ABCA6: variants seen among roughly 807,000 people sequenced by gnomAD.
The protein encoded by ABCA6 is ATP-binding cassette sub-family A member 6.
Under a neutral mutation model 191.2 loss-of-function variants are expected in ABCA6, and 164 were observed. The ratio of observed to expected loss-of-function variants is 0.86; its 90% CI spans 0.76 to 0.98. The LOEUF (loss-of-function observed/expected upper bound fraction) is 0.98. Among genes scored for constraint, ABCA6 ranks in the 50% least tolerant of loss-of-function variants. The pLI is 0.00. For synonymous variants in ABCA6, 636 were observed against 647.7 expected (o/e 0.98, Z 0.27); for missense variants, 1,958 against 1,894.1 (o/e 1.03, Z -0.63).
At chr17:69,111,356 T>G (rs2073418527) in intron 16 of ABCA6, 1 of 153,984 alleles carries the variant, frequency 6.5e-6, no homozygotes, top group African/African-American at 2.4e-5. Flanking sequence ...AAACAATTAT[T>G]TTAGCCTGGA....
At chr17:69,103,016 A>G (rs1013860072) in intron 20 of ABCA6, 48 bp from the exon 21 acceptor site, 2 of 1,180,714 alleles carry the variant, frequency 1.7e-6, no homozygotes, top group Non-Finnish European at 1.2e-6. Flanking sequence ...AAGAAAATAC[A>G]TATCAAACTT....
intron 36 of ABCA6, among the ~76,000 whole-genome samples, chr17:69,082,660 TGGCCAA>T (rs908839827): frequency 2.6e-5 from 4 of 152,142 alleles, no homozygotes; most frequent in Non-Finnish European, 5.9e-5. Flanking sequence ...CAGCCTGGGA[TGGCCAA>T]GGAGAGTGTG....
Position 69,085,192 on chromosome 17 carries a change from TAA to T in ABCA6, c.4030-12_4030-11del, listed in dbSNP as rs750663486. The T allele has an allele frequency of 6.9e-6, 11 of 1,599,398 alleles. No homozygotes were observed. Among genetic ancestry groups the T allele is most frequent in the South Asian group, 2.3e-5 (2 of 88,790 alleles). The stretch of plus-strand genomic sequence containing the variant: ...AGCCTTTCAGTTCCACCTAAAAAAA[TAA>T]AAGAGCTTTAGAAAGGCATGCAGCC... On this transcript the variant is annotated splice_polypyrimidine_tract_variant and intron_variant, in intron 31 of 38. Coordinates refer to ENST00000284425, the MANE Select transcript of ABCA6 (RefSeq NM_080284.3).
At chr17:69,093,605 G>T (rs577378558) in intron 25 of ABCA6, among the ~76,000 whole-genome samples, 1 of 152,236 alleles carries the variant, frequency 6.6e-6, no homozygotes, top group African/African-American at 2.4e-5. Flanking sequence ...CGCTTTCTTT[G>T]TTAGGGGCTC....
chr17:69,099,403 G>C (rs2073124627), intron 22 of ABCA6: 1 of 152,052 alleles, frequency 6.6e-6, no homozygotes, highest in Admixed American at 6.6e-5. Flanking sequence ...AGTAGCTATG[G>C]GCTTCAGTCC....
At chr17:69,107,655 T>C (rs756846374) in intron 18 of ABCA6, 41 bp downstream of exon 18, 50 of 1,282,890 alleles carry the variant, frequency 3.9e-5, no homozygotes, top group Admixed American at 7.9e-5. Flanking sequence ...CACATGATCA[T>C]TTGGGAATTG....
intron 25 of ABCA6, chr17:69,094,983 C>T (rs1329582738): frequency 6.5e-6 from 1 of 153,580 alleles, no homozygotes; most frequent in Non-Finnish European, 1.5e-5. Context: ...GGACAATAAC[C>T]CTGACATTTC....
rs143605532 is a variant in ABCA6, at chr17:69,133,295, G to A, written c.791+346C>T. ...AGACCAGGCGAGAAAACAAGCTGCAGTCAGGGCACCTGGGTTAGAGTCTCA... is the reference window on the plus strand; with the variant it reads ...AGACCAGGCGAGAAAACAAGCTGCAATCAGGGCACCTGGGTTAGAGTCTCA... On this transcript the variant is annotated intron_variant, in intron 6 of 38. Transcript: ENST00000284425. Among the ~76,000 whole-genome samples the A allele has an allele frequency of 7.0e-3, 1,068 of 152,310 alleles. 12 individuals are homozygous for A. The highest frequency in any genetic ancestry group is 0.025 in the African/African-American group (1,022 of 41,568).
intron 6 of ABCA6, among the ~76,000 whole-genome samples, chr17:69,130,838 T>C (rs990018911): frequency 1.3e-5 from 2 of 152,178 alleles, no homozygotes; most frequent in Non-Finnish European, 2.9e-5. Context: ...TCTTTCGTAG[T>C]AGAAAATTGA....
intron 30 of ABCA6, 74 bp downstream of exon 30, chr17:69,086,540 AAAAC>A: frequency 1.4e-6 from 1 of 697,802 alleles, no homozygotes; most frequent in East Asian, 3.7e-5. Context: ...TTCAGCGAGT[AAAAC>A]TGTGCCTATG....
chr17:69,107,600 T>A (rs2073332669), intron 18 of ABCA6, 96 bp downstream of exon 18: 1 of 880,154 alleles, frequency 1.1e-6, no homozygotes, highest in Non-Finnish European at 1.8e-6. Context: ...GAAATCACAT[T>A]TCTTAGTGTG....
Position 69,124,870 on chromosome 17 carries a change from A to G in ABCA6, c.1267+18T>C. The G allele has an allele frequency of 2.0e-6, 3 of 1,499,252 alleles. No homozygotes were observed. The highest frequency in any genetic ancestry group is 1.8e-6 in the Non-Finnish European group (2 of 1,109,136). 92.9% of individuals were successfully genotyped at this position (1,499,252 alleles called of 1,614,324 possible). A position where few individuals can be genotyped will look rare whatever the true frequency, so the allele number is the denominator to read the frequency against. ...ATTAATAACTGTAGAGGACAGAGAA[A>G]AACTCACTATTACTTACAGGGTAAA... On this transcript the variant is annotated intron_variant, in intron 9 of 38. Coordinates refer to ENST00000284425, the MANE Select transcript of ABCA6 (RefSeq NM_080284.3).
intron 31 of ABCA6, 89 bp downstream of exon 31, chr17:69,085,531 AAAAAG>A (rs1567996346): frequency 3.7e-6 from 3 of 806,844 alleles, no homozygotes; most frequent in South Asian, 2.5e-5. Flanking sequence ...AAAAAAAAAA[AAAAAG>A]AAAAGAAAAA....
intron 4 of ABCA6, chr17:69,135,865 G>T: frequency 1.9e-6 from 1 of 513,132 alleles, no homozygotes. Flanking sequence ...TGTGTCCTTT[G>T]ACACATGCAT....
chr17:69,107,651 A>G (rs1384376120), intron 18 of ABCA6, 45 bp downstream of exon 18: 1 of 1,245,440 alleles, frequency 8.0e-7, no homozygotes, highest in Non-Finnish European at 1.2e-6. Flanking sequence ...TTGACACATG[A>G]TCATTTGGGA....
chr17:69,079,256 T>C lies in ABCA6; in HGVS notation c.4706A>G (p.Asn1569Ser). 6.2e-7 allele frequency: 1 copy of C among 1,605,258 alleles called. No homozygotes were observed. ...AAGGCTGTATTCTTCCAGGTTAAAG[T>C]TATGCTTCACTGGAGGAAAAAAAAG... is the stretch of plus-strand genomic sequence containing the variant. ...TFHKLEAVKH[N>S]FNLEEYSLSQ... The change falls in exon 38 of 39, where the codon AAC (asparagine) becomes AGC (serine). Residue 1569 changes from asparagine (N) to serine (S), a missense_variant. Physicochemically the swap from Asn to Ser is conservative, Grantham distance 46. Coordinates refer to ENST00000284425, the MANE Select transcript of ABCA6 (RefSeq NM_080284.3).
In ABCA6 at chr17:69,114,794, T is replaced by C. The variant is rs776897544; in HGVS notation, c.1750A>G (p.Lys584Glu). The change falls in exon 13 of 39, where the codon AAA becomes GAA. Residue 584 changes from lysine to glutamate, a missense_variant. Transcript: ENST00000284425. ...TCCACTTCCTTTAGATGAATCCCTT[T>C]TATTTTAGCAAACAGGCTGAGGTTT... The part of the protein sequence containing the change: ...KENLSLFAKI[K>E]GIHLKEVEQE... The C allele has an allele frequency of 6.2e-7, 1 of 1,612,288 alleles. No homozygotes were observed. The highest frequency in any genetic ancestry group is 2.2e-5 in the East Asian group (1 of 44,764).
In ABCA6 at chr17:69,088,277, A is replaced by G; in HGVS notation, c.3607-19T>C. On this transcript the variant is annotated intron_variant, in intron 27 of 38. Coordinates refer to ENST00000284425, the MANE Select transcript of ABCA6 (RefSeq NM_080284.3). Reference sequence around the variant, plus strand: ...AGTAGGGCTATGAGCAAAGAAATACAGTTATATTTAGGCATAAGTTCACAA... The same window carrying G: ...AGTAGGGCTATGAGCAAAGAAATACGGTTATATTTAGGCATAAGTTCACAA... 6.5e-7 allele frequency: 1 copy of G among 1,538,244 alleles called. No homozygotes were observed. Among genetic ancestry groups the G allele is most frequent in the Non-Finnish European group, 8.9e-7 (1 of 1,128,682 alleles).
chr17:69,100,747 G>A (rs1598459068), intron 22 of ABCA6, 50 bp downstream of exon 22: 1 of 1,500,046 alleles, frequency 6.7e-7, no homozygotes, highest in East Asian at 2.4e-5. Context: ...GAAAACATAG[G>A]CTATTTGTCC....
Sources: allele counts gnomAD v4.1 joint callset (sites outside exome capture counted in the v4.1 genomes callset), GRCh38; gene constraint gnomAD v4.1.1; transcripts MANE v1.5; gene names NCBI Gene and HGNC (gene_info 2026-07-23, HGNC 2026-07-21).